DUOX1: variants seen among roughly 807,000 people sequenced by gnomAD.
DUOX1 encodes the protein dual oxidase 1, also known as NADPH thyroid oxidase 1.
In DUOX1, 134 loss-of-function variants were observed where a neutral mutation model predicts 181.8. The ratio of observed to expected loss-of-function variants is 0.74; its 90% CI spans 0.64 to 0.85. The LOEUF (loss-of-function observed/expected upper bound fraction) is 0.85, where lower values mean the gene tolerates loss of function less well. DUOX1 is among the 40% of genes least tolerant of loss of function. The probability of loss-of-function intolerance (pLI) is 0.00; values close to 1 mark genes in which losing one functional copy is unlikely to be tolerated. For missense variants in DUOX1, 1,814 were observed against 2,064.4 expected (o/e 0.88, Z 2.35); for synonymous variants, 798 against 832.5 (o/e 0.96, Z 0.71).
chr15:45,141,127 C>T lies in DUOX1; in HGVS notation c.1565+57C>T. ...TACCTCGGCCTGGGCCCCAGACCCTCTTTCTGGCCTTAGACAGCCCCCATG... is the reference window on the plus strand; with the variant it reads ...TACCTCGGCCTGGGCCCCAGACCCTTTTTCTGGCCTTAGACAGCCCCCATG... On this transcript the variant is annotated intron_variant, in intron 13 of 33. Coordinates refer to ENST00000389037, the MANE Select transcript of DUOX1 (RefSeq NM_175940.3). 1.9e-6 allele frequency: 3 copies of T among 1,604,878 alleles called. No homozygotes were observed. In the South Asian group the frequency reaches 3.3e-5, roughly 18 times the overall value.
rs368274327 is a variant in DUOX1, at chr15:45,147,392, C to G, written c.2323-41C>G. 58 of 1,595,188 alleles carry G rather than the reference C, an allele frequency of 3.6e-5. No homozygotes were observed. The African/African-American group carries it at 5.0e-4, about 14-fold the overall frequency. On this transcript the variant is annotated intron_variant, in intron 18 of 33. Transcript: ENST00000389037. Reference sequence around the variant, plus strand: ...TCAGCTGAACTTCAAGTCAAGGAAGCCTTGTCTCCTCTCCCTCCCTCTGCT... The same window carrying G: ...TCAGCTGAACTTCAAGTCAAGGAAGGCTTGTCTCCTCTCCCTCCCTCTGCT...
At position 45,151,155 on chromosome 15, in the gene DUOX1, G is replaced by C; in HGVS notation, c.2921G>C (p.Arg974Pro). 6.2e-7 allele frequency: 1 copy of C among 1,614,134 alleles called. No individual in the cohort carries two copies. Reference protein sequence around the residue: ...PSPRVSARCSRSDIETELTPQ... With the variant: ...PSPRVSARCSPSDIETELTPQ... ...CCCAGAGTGAGTGCCCGCTGTTCCC[G>C]CAGCGACATTGAGACTGAGTTGACA... The change falls in exon 23 of 34, where the codon CGC becomes CCC. Residue 974 changes from arginine to proline, a missense_variant. Around this residue, in one of 5 missense-constraint regions of DUOX1, gnomAD observed 1,064 missense variants for 1,152.9 expected, o/e 0.92. Transcript: ENST00000389037.
At chr15:45,137,895 T>C (rs1896369834) in intron 9 of DUOX1, 29 bp from the exon 10 acceptor site, 2 of 1,554,044 alleles carry the variant, frequency 1.3e-6, no homozygotes, top group Admixed American at 1.8e-5. Context: ...ATTATCTCAA[T>C]CACCATCTCC....
chr15:45,153,219 TAAAAAAAAA>T (rs71114313), intron 25 of DUOX1, 152 bp from the exon 26 acceptor site: 19 of 200,402 alleles, frequency 9.5e-5, no homozygotes, highest in African/African-American at 2.0e-4. Context: ...AGACTCCATC[TAAAAAAAAA>T]AAAAAAAAAA....
intron 28 of DUOX1, 71 bp downstream of exon 28, chr15:45,156,000 T>C: frequency 6.3e-7 from 1 of 1,587,426 alleles, no homozygotes; most frequent in Non-Finnish European, 8.6e-7. Flanking sequence ...CAAGGAGAGC[T>C]GGGACATTCA....
chr15:45,134,103 C>T (rs748188823), intron 3 of DUOX1, 42 bp from the exon 4 acceptor site: 1 of 1,535,110 alleles, frequency 6.5e-7, no homozygotes, highest in Non-Finnish European at 8.8e-7. Flanking sequence ...GTCAAGAATG[C>T]CCCCTGAAGA....
chr15:45,130,786 G>A (rs1896102149), intron 1 of DUOX1, among the ~76,000 whole-genome samples: 1 of 152,220 alleles, frequency 6.6e-6, no homozygotes, highest in South Asian at 2.1e-4. Context: ...TGGTACATTA[G>A]CGTTGAGGCC....
chr15:45,140,521 T>A (rs1896462275), intron 12 of DUOX1: 1 of 184,308 alleles, frequency 5.4e-6, no homozygotes, highest in Non-Finnish European at 1.1e-5. Flanking sequence ...GGCATTTGAT[T>A]AAAAAAAATT....
intron 18 of DUOX1, among the ~76,000 whole-genome samples, 168 bp downstream of exon 18, chr15:45,145,248 C>T (rs1378705796): frequency 6.6e-6 from 1 of 152,172 alleles, no homozygotes; most frequent in Admixed American, 6.5e-5. Context: ...GTTGCCCCTG[C>T]CCCCATCTGA....
chr15:45,132,094 G>A (rs936227011), intron 2 of DUOX1, 70 bp downstream of exon 2: 3 of 1,353,126 alleles, frequency 2.2e-6, no homozygotes, highest in Non-Finnish European at 3.0e-6. Flanking sequence ...CTCCCCCAAG[G>A]ACAGGATCCA....
At chr15:45,139,377 T>C (rs1896431008) in intron 11 of DUOX1, 50 bp from the exon 12 acceptor site, 1 of 1,601,868 alleles carries the variant, frequency 6.2e-7, no homozygotes, top group Non-Finnish European at 8.5e-7. Flanking sequence ...GACTGGACAC[T>C]GCTGTGGTGG....
chr15:45,130,685 A>G (rs1896095763), intron 1 of DUOX1, among the ~76,000 whole-genome samples: 1 of 152,212 alleles, frequency 6.6e-6, no homozygotes, highest in African/African-American at 2.4e-5. Context: ...CCCACCCACA[A>G]GGAGTGGTTA....
At chr15:45,147,034 T>C (rs1896672257) in intron 18 of DUOX1, among the ~76,000 whole-genome samples, 1 of 152,212 alleles carries the variant, frequency 6.6e-6, no homozygotes, top group Non-Finnish European at 1.5e-5. Context: ...GTCTCAGGAA[T>C]TCCAAAGGGA....
At chr15:45,162,916 C>T (rs1460924578) in intron 31 of DUOX1, among the ~76,000 whole-genome samples, 1 of 152,228 alleles carries the variant, frequency 6.6e-6, no homozygotes, top group Non-Finnish European at 1.5e-5. Context: ...TGGCAGGCCC[C>T]TGCTCGTTTC....
In DUOX1 at chr15:45,136,548, C is replaced by G. The variant is rs751528162; in HGVS notation, c.945C>G (p.Asp315Glu). 6 of 1,614,156 alleles carry G rather than the reference C, an allele frequency of 3.7e-6. No individual in the cohort carries two copies. The Admixed American group carries it at 1.0e-4, about 27-fold the overall frequency. The stretch of plus-strand genomic sequence containing the variant: ...CCCCAGGATACCGGCCATTTCTGGA[C>G]CCCAGCATCTCCTCAGAGTTCGTGG... ...PEYTGYRPFL[D>E]PSISSEFVAA... is the part of the protein sequence containing the mutation. Residue 315 changes from aspartate (D) to glutamate (E), a missense_variant, in exon 9 of 34, where the codon GAC becomes GAG. Around this residue, in one of 5 missense-constraint regions of DUOX1, gnomAD observed 1,064 missense variants for 1,152.9 expected, o/e 0.92. Coordinates refer to ENST00000389037, the MANE Select transcript of DUOX1 (RefSeq NM_175940.3).
At chr15:45,150,820 A>G in intron 22 of DUOX1, 119 bp downstream of exon 22, 1 of 959,556 alleles carries the variant, frequency 1.0e-6, no homozygotes, top group Non-Finnish European at 1.6e-6. Flanking sequence ...AAATTAGAAA[A>G]GGACACCCCT....
intron 31 of DUOX1, among the ~76,000 whole-genome samples, chr15:45,162,744 G>A (rs572898098): frequency 6.6e-6 from 1 of 152,386 alleles, no homozygotes; most frequent in Admixed American, 6.5e-5. Flanking sequence ...GGCTGGGAGA[G>A]GGAAGGGCAT....
chr15:45,162,466 T>G, intron 31 of DUOX1, 89 bp downstream of exon 31: 2 of 1,523,598 alleles, frequency 1.3e-6, no homozygotes, highest in Non-Finnish European at 1.8e-6. Flanking sequence ...GCCTTTGTTC[T>G]TGGCTTCCCT....
chr15:45,134,256 G>T lies in DUOX1; in HGVS notation c.254G>T (p.Gly85Val), dbSNP rs1896228183. 6.3e-7 allele frequency: 1 copy of T among 1,598,010 alleles called. No homozygotes were observed. The highest frequency in any genetic ancestry group is 1.1e-5 in the South Asian group (1 of 89,208). ...PRDLSNTISR[G>V]PAGLASLRNR... is the part of the protein sequence containing the mutation. ...GACCTTAGCAACACCATCTCAAGGGGCCCTGCAGGGCTGGCCTCCCTGAGA... is the reference window on the plus strand; with the variant it reads ...GACCTTAGCAACACCATCTCAAGGGTCCCTGCAGGGCTGGCCTCCCTGAGA... The change falls in exon 4 of 34, where the codon GGC (glycine) becomes GTC (valine). Residue 85 changes from glycine to valine, a missense_variant. By Grantham distance (109) the Gly-to-Val change is moderately radical. Around this residue, in one of 5 missense-constraint regions of DUOX1, gnomAD observed 320 missense variants for 313.1 expected, o/e 1.02. Transcript: ENST00000389037.
Sources: allele counts gnomAD v4.1 joint callset (sites outside exome capture counted in the v4.1 genomes callset), GRCh38; gene constraint gnomAD v4.1.1; regional missense constraint gnomAD v4.1.1; transcripts MANE v1.5; gene names NCBI Gene and HGNC (gene_info 2026-07-23, HGNC 2026-07-21).